Variants in RABGAP1L observed in about 807,000 individuals in gnomAD.
RABGAP1L encodes rab GTPase-activating protein 1-like.
Under a neutral mutation model 137.7 loss-of-function variants are expected in RABGAP1L, and 63 were observed. The ratio of observed to expected loss-of-function variants is 0.46; its 90% CI spans 0.37 to 0.56. The LOEUF (loss-of-function observed/expected upper bound fraction) is 0.56. Ranked by LOEUF, RABGAP1L falls within the 20% of genes least tolerant of loss-of-function variation. The pLI, the probability that RABGAP1L is intolerant of heterozygous loss-of-function variation, is 0.00. For missense variants in RABGAP1L, 1,095 were observed against 1,244.0 expected (o/e 0.88, Z 1.80); for synonymous variants, 431 against 433.7 (o/e 0.99, Z 0.08).
intron 13 of RABGAP1L, chr1:174,449,001 C>T: frequency 6.2e-7 from 1 of 1,613,282 alleles, no homozygotes; most frequent in Non-Finnish European, 8.5e-7. Flanking sequence ...GACAATCCAA[C>T]TCTGTCCTTC....
chr1:174,219,209 G>A lies in RABGAP1L; in HGVS notation c.52G>A (p.Ala18Thr). The change falls in exon 2 of 26, where the codon GCT (alanine) becomes ACT (threonine). Residue 18 changes from alanine to threonine, a missense_variant. By Grantham distance (58) the Ala-to-Thr change is moderately conservative. Around this residue, in one of 4 missense-constraint regions of RABGAP1L, gnomAD observed 356 missense variants for 326.3 expected, o/e 1.09. Transcript: ENST00000681986. ...GGTTAGTGGATCATCTGATTCTGTG[G>A]CTACAATGAACAGTGAAGAATTTGT... ...QKVSGSSDSV[A>T]TMNSEEFVLV... 1 of 1,603,278 alleles carries A rather than the reference G, an allele frequency of 6.2e-7. No individual in the cohort carries two copies.
intron 18 of RABGAP1L, among the ~76,000 whole-genome samples, chr1:174,767,371 A>T (rs1216242216): frequency 6.6e-6 from 1 of 152,246 alleles, no homozygotes; most frequent in South Asian, 2.1e-4. Context: ...TTTTTTGATG[A>T]TACTTTGTGG....
chr1:174,191,212 G>A (rs951786449), intron 1 of RABGAP1L, among the ~76,000 whole-genome samples: 1 of 152,180 alleles, frequency 6.6e-6, no homozygotes, highest in Non-Finnish European at 1.5e-5. Context: ...TCTCAGGAAT[G>A]TGTGTGAATT....
At chr1:174,413,672 C>T (rs1254906336) in intron 13 of RABGAP1L, among the ~76,000 whole-genome samples, 3 of 152,064 alleles carry the variant, frequency 2.0e-5, no homozygotes, top group African/African-American at 7.2e-5. Flanking sequence ...CCCTCCTCCC[C>T]CCCTTTCTCT....
chr1:174,924,731 C>G (rs12095683), intron 19 of RABGAP1L, among the ~76,000 whole-genome samples: 4,248 of 152,210 alleles, frequency 0.028, 191 homozygotes, highest in African/African-American at 0.093. Flanking sequence ...CTTATGATGA[C>G]CTTCCTTAAG....
intron 11 of RABGAP1L, among the ~76,000 whole-genome samples, chr1:174,307,660 C>T (rs1678424409): frequency 6.6e-6 from 1 of 152,006 alleles, no homozygotes; most frequent in Non-Finnish European, 1.5e-5. Context: ...TATTTCATTC[C>T]ATTTTATGAC....
At chr1:174,283,815 T>C (rs1675800116) in intron 10 of RABGAP1L, among the ~76,000 whole-genome samples, 1 of 152,162 alleles carries the variant, frequency 6.6e-6, no homozygotes. Flanking sequence ...CCTTTAGGAG[T>C]TGCTGTCTTA....
intron 23 of RABGAP1L, among the ~76,000 whole-genome samples, chr1:174,980,423 G>A (rs973054095): frequency 1.9e-4 from 29 of 152,232 alleles, no homozygotes; most frequent in East Asian, 1.9e-4. Flanking sequence ...TAATACCTAC[G>A]TAGAAATAAG....
chr1:174,856,936 A>AG (rs1263956553), intron 19 of RABGAP1L, among the ~76,000 whole-genome samples: 1 of 152,130 alleles, frequency 6.6e-6, no homozygotes, highest in East Asian at 1.9e-4. Flanking sequence ...CCAAAAAAAA[A>AG]AAAAGTTAGA....
In RABGAP1L at chr1:174,327,978, TACAC is replaced by T. The variant is rs71563255; in HGVS notation, c.1465+22857_1465+22860del. Among the ~76,000 whole-genome samples the T allele has an allele frequency of 7.0e-3, 134 of 19,040 alleles. 4 individuals carry two copies. The highest frequency in any genetic ancestry group is 0.03 in the African/African-American group (109 of 3,596). 12.5% of individuals were successfully genotyped at this position (19,040 alleles called of 152,430 possible). On this transcript the variant is annotated intron_variant, in intron 11 of 25. Coordinates refer to ENST00000681986, the MANE Select transcript of RABGAP1L (RefSeq NM_001366446.1). The stretch of plus-strand genomic sequence containing the variant: ...GTAAATATATATATATATATATATA[TACAC>T]ACACATATATATATATATATATATA...
chr1:174,969,140 G>A (rs2149363875), intron 20 of RABGAP1L, 137 bp from the exon 21 acceptor site: 1 of 649,610 alleles, frequency 1.5e-6, no homozygotes, highest in Non-Finnish European at 2.8e-6. Flanking sequence ...CAGCAATCCT[G>A]CCTTCCTGTG....
intron 13 of RABGAP1L, among the ~76,000 whole-genome samples, chr1:174,551,082 G>A (rs1390642644): frequency 5.7e-5 from 8 of 141,506 alleles, no homozygotes; most frequent in East Asian, 4.0e-4. Flanking sequence ...GGTGGCACAC[G>A]CATGTAGTCG....
At chr1:174,929,431 C>CT (rs1663359599) in intron 19 of RABGAP1L, among the ~76,000 whole-genome samples, 2 of 152,074 alleles carry the variant, frequency 1.3e-5, no homozygotes, top group South Asian at 4.1e-4. Flanking sequence ...AATTTATCTG[C>CT]TTTAATTAGT....
chr1:174,764,310 T>C (rs1558055993), intron 18 of RABGAP1L, among the ~76,000 whole-genome samples: 1 of 152,238 alleles, frequency 6.6e-6, no homozygotes, highest in East Asian at 1.9e-4. Flanking sequence ...TTCAGTTCTC[T>C]TGGTTATATG....
intron 21 of RABGAP1L, among the ~76,000 whole-genome samples, chr1:174,974,225 C>G (rs777343046): frequency 5.9e-5 from 9 of 151,652 alleles, no homozygotes; most frequent in Non-Finnish European, 1.2e-4. Flanking sequence ...CTCCTGACCT[C>G]GTGATCAGCC....
chr1:174,547,851 T>C (rs749388921), intron 13 of RABGAP1L: 2 of 1,532,166 alleles, frequency 1.3e-6, no homozygotes, highest in Non-Finnish European at 1.8e-6. Flanking sequence ...AGATGAAATT[T>C]AGTCTTACAC....
At chr1:174,745,619 T>C (rs1683806680) in intron 17 of RABGAP1L, among the ~76,000 whole-genome samples, 3 of 152,222 alleles carry the variant, frequency 2.0e-5, no homozygotes, top group Admixed American at 1.3e-4. Flanking sequence ...TTTAGCCATC[T>C]CTAAAATGGT....
intron 11 of RABGAP1L, among the ~76,000 whole-genome samples, chr1:174,344,334 T>G (rs115353102): frequency 6.6e-6 from 1 of 152,188 alleles, no homozygotes; most frequent in East Asian, 1.9e-4. Context: ...CTGTTCTGCA[T>G]AGTGTGAGGA....
intron 13 of RABGAP1L, among the ~76,000 whole-genome samples, chr1:174,598,725 C>T (rs1233315594): frequency 6.6e-6 from 1 of 151,806 alleles, no homozygotes; most frequent in Admixed American, 6.6e-5. Context: ...GTAGCTACTC[C>T]TTTTTTTGGT....
Sources: allele counts gnomAD v4.1 joint callset (sites outside exome capture counted in the v4.1 genomes callset), GRCh38; gene constraint gnomAD v4.1.1; regional missense constraint gnomAD v4.1.1; transcripts MANE v1.5; gene names NCBI Gene and HGNC (gene_info 2026-07-23, HGNC 2026-07-21).